Variants in ARFGAP3 observed in about 807,000 individuals in gnomAD.
The protein encoded by ARFGAP3 is ARF GTPase activating protein 3, also known as ADP-ribosylation factor GTPase-activating protein 3.
ARFGAP3 carries 72 observed loss-of-function variants against 75.0 expected under a neutral mutation model. That is an observed-to-expected ratio of 0.96 (90% CI 0.79 to 1.17). ARFGAP3 has a LOEUF of 1.17. Ranked by LOEUF, ARFGAP3 falls within the 50% of genes most tolerant of loss-of-function variation. The pLI is 0.00. For missense variants in ARFGAP3, 620 were observed against 626.6 expected, an observed-to-expected ratio of 0.99 and a Z score of 0.11; for synonymous variants, 221 against 217.9, an observed-to-expected ratio of 1.01 and a Z score of -0.13.
intron 14 of ARFGAP3, chr22:42,799,369 T>C (rs1391297057): frequency 2.7e-6 from 1 of 375,572 alleles, no homozygotes; most frequent in African/African-American, 2.2e-5. Context: ...GAAAATGTAG[T>C]ATGGGGGACT....
chr22:42,799,090 C>A lies in ARFGAP3; in HGVS notation c.1482G>T (p.Ser494=). 3 of 1,614,164 alleles carry A rather than the reference C, an allele frequency of 1.9e-6. No individual in the cohort carries two copies. Among genetic ancestry groups the A allele is most frequent in the Non-Finnish European group, 2.5e-6 (3 of 1,180,028 alleles). Residue 494 remains serine, a synonymous_variant, in exon 15 of 16, where the codon TCG becomes TCT. Transcript: ENST00000263245. ...DMAQFKQGVR[S]VAGKLSVFAN... is the part of the protein sequence containing the mutation. The stretch of plus-strand genomic sequence containing the variant: ...CAAAGACGGAGAGTTTTCCAGCAAC[C>A]GATCTCACTCCCTGCTTGAACTGCG...
At chr22:42,838,853 G>A (rs1428776934) in intron 3 of ARFGAP3, among the ~76,000 whole-genome samples, 1 of 152,128 alleles carries the variant, frequency 6.6e-6, no homozygotes, top group Non-Finnish European at 1.5e-5. Context: ...GCTCATGCCT[G>A]TAATCCCAGC....
At position 42,818,204 on chromosome 22, in the gene ARFGAP3, C is replaced by T. The variant is rs563067965; in HGVS notation, c.813-347G>A. 4.6e-5 allele frequency among the ~76,000 whole-genome samples: 7 copies of T among 152,280 alleles called. No homozygotes were observed. The South Asian group carries it at 8.3e-4, about 18-fold the overall frequency. On this transcript the variant is annotated intron_variant, in intron 9 of 15. Transcript: ENST00000263245. ...TCTTACTTGGATTAATATTTTATTA[C>T]ACTTCCACATTACATAACAAAGCAT...
intron 7 of ARFGAP3, among the ~76,000 whole-genome samples, chr22:42,824,157 A>C (rs1461925521): frequency 2.8e-5 from 4 of 140,362 alleles, no homozygotes; most frequent in Non-Finnish European, 4.5e-5. Context: ...GGTGCGCACC[A>C]CCACATCTGG....
At chr22:42,850,437 G>A (rs773108064) in intron 1 of ARFGAP3, among the ~76,000 whole-genome samples, 20 of 151,670 alleles carry the variant, frequency 1.3e-4, no homozygotes, top group Non-Finnish European at 2.6e-4. Context: ...AGCCGGCGTG[G>A]TGGAACGTGC....
chr22:42,847,002 T>A (rs1317650449), intron 2 of ARFGAP3, among the ~76,000 whole-genome samples: 3 of 152,164 alleles, frequency 2.0e-5, no homozygotes, highest in African/African-American at 7.2e-5. Flanking sequence ...AGAGGCAGCA[T>A]CGCCTAGTGA....
rs567974527 is a variant in ARFGAP3, at chr22:42,810,877, A to G, written c.1132T>C (p.Tyr378His). Residue 378 changes from tyrosine (Y) to histidine (H), a missense_variant, in exon 12 of 16, where the codon TAT becomes CAT. Coordinates refer to ENST00000263245, the MANE Select transcript of ARFGAP3 (RefSeq NM_014570.5). ...FSSWDDSSDSYWKKETSKDTE... is the reference protein window; with the variant it reads ...FSSWDDSSDSHWKKETSKDTE... The stretch of plus-strand genomic sequence containing the variant: ...TCTTTGCTGGTCTCTTTTTTCCAAT[A>G]GGAATCTGAACTGTCATCCCAGCTA... The G allele has an allele frequency of 3.9e-5, 63 of 1,614,124 alleles. 1 individual carries two copies. In the South Asian group the frequency reaches 6.7e-4, roughly 17 times the overall value.
chr22:42,817,597 A>G (rs1925634477), intron 10 of ARFGAP3, 132 bp downstream of exon 10: 1 of 868,768 alleles, frequency 1.2e-6, no homozygotes, highest in East Asian at 2.5e-5. Flanking sequence ...AGAGCAAAGC[A>G]AAAATAATTA....
intron 2 of ARFGAP3, among the ~76,000 whole-genome samples, chr22:42,843,494 C>T (rs1228146610): frequency 6.6e-6 from 1 of 152,092 alleles, no homozygotes; most frequent in Non-Finnish European, 1.5e-5. Context: ...CCCGGCCTCC[C>T]AAGTGCTGGG....
At chr22:42,810,784 A>T (rs1474060635) in intron 12 of ARFGAP3, 29 bp downstream of exon 12, 6 of 1,591,882 alleles carry the variant, frequency 3.8e-6, no homozygotes, top group Non-Finnish European at 5.2e-6. Flanking sequence ...TGGATTCACT[A>T]CTACAACCCC....
intron 4 of ARFGAP3, chr22:42,834,580 A>C (rs1926438774): frequency 5.6e-6 from 1 of 179,562 alleles, no homozygotes; most frequent in African/African-American, 2.4e-5. Context: ...AAGATCAAAG[A>C]CTTCATATCT....
chr22:42,819,060 G>A (rs991774039), intron 9 of ARFGAP3, among the ~76,000 whole-genome samples: 1 of 151,942 alleles, frequency 6.6e-6, no homozygotes. Context: ...CGATCTGCCT[G>A]CCTCTGCCTC....
intron 3 of ARFGAP3, chr22:42,835,734 T>A (rs1035252165): frequency 6.5e-6 from 1 of 154,118 alleles, no homozygotes. Flanking sequence ...GGCAGGAGAA[T>A]GGCGAACCTG....
chr22:42,838,290 AT>A (rs1555899058), intron 3 of ARFGAP3, among the ~76,000 whole-genome samples: 134 of 137,204 alleles, frequency 9.8e-4, no homozygotes, highest in African/African-American at 1.6e-3. Context: ...ATATATATAT[AT>A]TTTTTTTTTC....
chr22:42,830,317 T>C (rs1926229811), intron 6 of ARFGAP3, among the ~76,000 whole-genome samples: 1 of 152,088 alleles, frequency 6.6e-6, no homozygotes, highest in African/African-American at 2.4e-5. Context: ...GACTCCACTC[T>C]GGGACACAGC....
intron 8 of ARFGAP3, 179 bp from the exon 9 acceptor site, chr22:42,822,588 G>A: frequency 6.9e-6 from 2 of 291,640 alleles, no homozygotes; most frequent in Non-Finnish European, 1.0e-5. Flanking sequence ...CCTCAGCATG[G>A]GGGAATTGGT....
At chr22:42,854,492 G>C (rs1479457305) in intron 1 of ARFGAP3, among the ~76,000 whole-genome samples, 1 of 152,122 alleles carries the variant, frequency 6.6e-6, no homozygotes. Context: ...ATGCGTGATG[G>C]CACACGCCTG....
chr22:42,817,948 T>G, intron 9 of ARFGAP3, 91 bp from the exon 10 acceptor site: 2 of 1,333,296 alleles, frequency 1.5e-6, no homozygotes, highest in South Asian at 3.5e-5. Flanking sequence ...TAATTTATAC[T>G]TTTAGCTTCA....
chr22:42,847,016 C>T (rs940324779), intron 2 of ARFGAP3, among the ~76,000 whole-genome samples: 1 of 152,146 alleles, frequency 6.6e-6, no homozygotes, highest in Non-Finnish European at 1.5e-5. Flanking sequence ...CTAGTGAGAA[C>T]GCTGAGCGTG....
Sources: gnomAD v4.1 joint callset for allele counts (sites outside exome capture counted in the v4.1 genomes callset) on GRCh38, gnomAD v4.1.1 for gene constraint, MANE v1.5 for transcripts, NCBI Gene and HGNC (gene_info 2026-07-23, HGNC 2026-07-21) for gene names.